SLC8A3: variants seen among roughly 807,000 people sequenced by gnomAD.
SLC8A3 encodes sodium/calcium exchanger 3.
Under a neutral mutation model 65.4 loss-of-function variants are expected in SLC8A3, and 37 were observed. The ratio of observed to expected loss-of-function variants is 0.57; its 90% CI spans 0.44 to 0.74. The LOEUF is 0.74. Ranked by LOEUF, SLC8A3 falls within the 30% of genes least tolerant of loss-of-function variation. The probability of loss-of-function intolerance (pLI) is 0.00; values close to 1 mark genes in which losing one functional copy is unlikely to be tolerated. For synonymous variants in SLC8A3, 461 were observed against 444.5 expected, an observed-to-expected ratio of 1.04 and a Z score of -0.47; for missense variants, 1,112 against 1,172.1, an observed-to-expected ratio of 0.95 and a Z score of 0.75.
intron 2 of SLC8A3, among the ~76,000 whole-genome samples, chr14:70,073,139 G>A (rs555412691): frequency 6.6e-6 from 1 of 152,002 alleles, no homozygotes; most frequent in Non-Finnish European, 1.5e-5. Flanking sequence ...CCTATGGTGG[G>A]AAGTGCTTTA....
At chr14:70,184,792 G>C (rs994942648) in intron 1 of SLC8A3, among the ~76,000 whole-genome samples, 10 of 152,208 alleles carry the variant, frequency 6.6e-5, no homozygotes, top group African/African-American at 2.4e-4. Context: ...GCACATGCCT[G>C]TCAGAGTAGG....
chr14:70,048,474 G>C, intron 6 of SLC8A3: 2 of 601,158 alleles, frequency 3.3e-6, no homozygotes, highest in South Asian at 2.0e-5. Flanking sequence ...TGTGAAGTGG[G>C]GATAATAACT....
rs1401465160 is a variant in SLC8A3, at chr14:70,168,137, C to A, written c.286G>T (p.Asp96Tyr). 1 of 1,613,986 alleles carries A rather than the reference C, an allele frequency of 6.2e-7. No homozygotes were observed. Among genetic ancestry groups the A allele is most frequent in the Non-Finnish European group, 8.5e-7 (1 of 1,180,030 alleles). The change falls in exon 2 of 7, where the codon GAC becomes TAC. Residue 96 changes from aspartate to tyrosine, a missense_variant. Physicochemically the swap from Asp to Tyr is radical, Grantham distance 160. Coordinates refer to ENST00000356921, the MANE Select transcript of SLC8A3 (RefSeq NM_182932.3). ...YMFLGVSIIA[D>Y]RFMASIEVIT... is the part of the protein sequence containing the mutation. ...ACTTCAATAGATGCCATGAAGCGGT[C>A]AGCAATGATGGACACCCCAAGGAAC... is the stretch of plus-strand genomic sequence containing the variant.
Position 70,045,150 on chromosome 14 carries a change from C to G in SLC8A3, c.*797G>C, listed in dbSNP as rs1886610046. 1 of 152,154 alleles carries G rather than the reference C, an allele frequency of 6.6e-6. No homozygotes were observed. The highest frequency in any genetic ancestry group is 2.4e-5 in the African/African-American group (1 of 41,440). The allele number at this position is 152,154 out of a possible 1,614,324, so 9.4% of individuals were successfully genotyped here. A position where few individuals can be genotyped will look rare whatever the true frequency, so the allele number is the denominator to read the frequency against. On this transcript the variant is annotated 3_prime_UTR_variant, in exon 7 of 7. Coordinates refer to ENST00000356921, the MANE Select transcript of SLC8A3 (RefSeq NM_182932.3). ...ATTGCTTTTTGTATCTGACTTGATT[C>G]AACATAAGCATAAAAAGCTCCTCCT...
At chr14:70,160,866 A>G (rs1191495759) in intron 2 of SLC8A3, among the ~76,000 whole-genome samples, 6 of 121,670 alleles carry the variant, frequency 4.9e-5, no homozygotes, top group Admixed American at 8.3e-5. Context: ...AGTAATTAAG[A>G]AGAAAAGAGA....
At chr14:70,146,645 A>G (rs985463112) in intron 2 of SLC8A3, among the ~76,000 whole-genome samples, 4 of 152,216 alleles carry the variant, frequency 2.6e-5, no homozygotes, top group African/African-American at 9.6e-5. Context: ...CTGACTGCAT[A>G]TTCATAGCTG....
At chr14:70,048,573 A>G in intron 6 of SLC8A3, 194 bp downstream of exon 6, 1 of 682,572 alleles carries the variant, frequency 1.5e-6, no homozygotes, top group Non-Finnish European at 2.7e-6. Flanking sequence ...TGTCACATTG[A>G]AAGTGCTCAA....
chr14:70,060,471 G>A (rs1017936360), intron 3 of SLC8A3, among the ~76,000 whole-genome samples: 1 of 152,104 alleles, frequency 6.6e-6, no homozygotes, highest in African/African-American at 2.4e-5. Context: ...ACAGTGTAGG[G>A]GTGGGGTGGG....
Position 70,167,720 on chromosome 14 carries a change from G to A in SLC8A3, c.703C>T (p.Leu235Phe), listed in dbSNP as rs1395559876. The stretch of plus-strand genomic sequence containing the variant: ...ACTGGAAAGAAGAAGAGAGTGAGGA[G>A]GCCTTCCCAAACCTGGACCACACCA... ...SPGVVQVWEGLLTLFFFPVCV... is the reference protein window; with the variant it reads ...SPGVVQVWEGFLTLFFFPVCV... The change falls in exon 2 of 7, where the codon CTC becomes TTC. Residue 235 changes from leucine to phenylalanine, a missense_variant. By Grantham distance (22) the Leu-to-Phe change is conservative. Coordinates refer to ENST00000356921, the MANE Select transcript of SLC8A3 (RefSeq NM_182932.3). 1.2e-6 allele frequency: 2 copies of A among 1,614,114 alleles called. No individual in the cohort carries two copies. The highest frequency in any genetic ancestry group is 4.5e-5 in the East Asian group (2 of 44,880).
chr14:70,075,225 CT>C (rs1890384787), intron 2 of SLC8A3, among the ~76,000 whole-genome samples: 1 of 152,096 alleles, frequency 6.6e-6, no homozygotes, highest in Non-Finnish European at 1.5e-5. Context: ...CCCCTTAAGC[CT>C]TTCAGGAAGC....
intron 2 of SLC8A3, among the ~76,000 whole-genome samples, chr14:70,071,498 A>G (rs1254266649): frequency 6.6e-6 from 1 of 152,264 alleles, no homozygotes; most frequent in East Asian, 1.9e-4. Flanking sequence ...GGCAGCCTGT[A>G]GGTGCAAAGA....
At chr14:70,148,484 T>C (rs1385527490) in intron 2 of SLC8A3, among the ~76,000 whole-genome samples, 2 of 152,080 alleles carry the variant, frequency 1.3e-5, no homozygotes, top group African/African-American at 4.8e-5. Context: ...ATGACTAAGG[T>C]TTTAGCCCTA....
chr14:70,045,306 G>A lies in SLC8A3; in HGVS notation c.*641C>T, dbSNP rs1594873576. 6.6e-6 allele frequency: 1 copy of A among 152,142 alleles called. No homozygotes were observed. The highest frequency in any genetic ancestry group is 2.4e-5 in the African/African-American group (1 of 41,406). The allele number at this position is 152,142 out of a possible 1,614,324, so 9.4% of individuals were successfully genotyped here. A position where few individuals can be genotyped will look rare whatever the true frequency, so the allele number is the denominator to read the frequency against. ...AGATGGGGAACTGGATCTTGATGGAGCCAAGAGGTGGCAGGAGAGCATGTG... is the reference window on the plus strand; with the variant it reads ...AGATGGGGAACTGGATCTTGATGGAACCAAGAGGTGGCAGGAGAGCATGTG... On this transcript the variant is annotated 3_prime_UTR_variant, in exon 7 of 7. Coordinates refer to ENST00000356921, the MANE Select transcript of SLC8A3 (RefSeq NM_182932.3).
chr14:70,073,419 T>C (rs1329957652), intron 2 of SLC8A3, among the ~76,000 whole-genome samples: 1 of 152,164 alleles, frequency 6.6e-6, no homozygotes, highest in Non-Finnish European at 1.5e-5. Flanking sequence ...GGGGCTGGGG[T>C]GAGGGAGACA....
At chr14:70,069,872 T>C (rs1186344624) in intron 2 of SLC8A3, among the ~76,000 whole-genome samples, 1 of 152,204 alleles carries the variant, frequency 6.6e-6, no homozygotes, top group African/African-American at 2.4e-5. Context: ...AATGTGTGGA[T>C]TCTGATTCAG....
chr14:70,057,795 T>C (rs72729832), intron 3 of SLC8A3, among the ~76,000 whole-genome samples: 5,389 of 152,152 alleles, frequency 0.035, 123 homozygotes, highest in Admixed American at 0.051. Flanking sequence ...GGAAAGAGCA[T>C]AGGACTGTGA....
At chr14:70,153,101 G>A (rs1394875898) in intron 2 of SLC8A3, among the ~76,000 whole-genome samples, 3 of 152,182 alleles carry the variant, frequency 2.0e-5, no homozygotes, top group East Asian at 3.9e-4. Flanking sequence ...AAGGGCTGAA[G>A]AATGCAAAAT....
intron 3 of SLC8A3, among the ~76,000 whole-genome samples, chr14:70,052,551 G>T (rs1215164078): frequency 6.6e-6 from 1 of 152,172 alleles, no homozygotes; most frequent in Non-Finnish European, 1.5e-5. Context: ...ATGTCTACTG[G>T]TTTCACAGCA....
intron 2 of SLC8A3, among the ~76,000 whole-genome samples, chr14:70,127,407 T>G (rs1292851217): frequency 6.6e-6 from 1 of 152,182 alleles, no homozygotes; most frequent in Non-Finnish European, 1.5e-5. Flanking sequence ...CTTAGCGCTT[T>G]ATTGACGGTT....
Sources: gnomAD v4.1 joint callset for allele counts (sites outside exome capture counted in the v4.1 genomes callset) on GRCh38, gnomAD v4.1.1 for gene constraint, MANE v1.5 for transcripts, NCBI Gene and HGNC (gene_info 2026-07-23, HGNC 2026-07-21) for gene names.